The following AKR1C8 variants were observed in gnomAD, a reference collection of about 807,000 sequenced individuals.
AKR1C8 encodes aldo-keto reductase family 1 member C8, also known as aldo-keto reductase family 1 member C-like protein 1.
the AKR1C8 span, among the ~76,000 whole-genome samples, chr10:5,152,106 C>A: frequency 6.6e-6 from 1 of 152,108 alleles, no homozygotes; most frequent in East Asian, 1.9e-4. Flanking sequence ...ATAATGAATT[C>A]TAGGATAAAG....
the AKR1C8 span, chr10:5,161,652 G>T: frequency 1.9e-6 from 1 of 530,786 alleles, no homozygotes; most frequent in Non-Finnish European, 3.9e-6. Context: ...TTAAGGCTGG[G>T]GGACAAGGAT....
At chr10:5,123,250 C>A in the AKR1C8 span, 1 of 188,358 alleles carries the variant, frequency 5.3e-6, no homozygotes. Context: ...ATGCAGGAGT[C>A]CTAATGCCCA....
the AKR1C8 span, among the ~76,000 whole-genome samples, chr10:5,124,045 T>G: frequency 3.2e-4 from 48 of 152,240 alleles, no homozygotes; most frequent in Middle Eastern, 3.4e-3. Flanking sequence ...AGCAACTCCA[T>G]GGACCAGATC....
chr10:5,170,345 T>C, the AKR1C8 span, among the ~76,000 whole-genome samples: 8 of 152,162 alleles, frequency 5.3e-5, no homozygotes, highest in Non-Finnish European at 1.2e-4. Context: ...TTTTCTCTCT[T>C]CAGTTTCCCA....
At chr10:5,120,244 T>G in the AKR1C8 span, among the ~76,000 whole-genome samples, 3 of 152,186 alleles carry the variant, frequency 2.0e-5, no homozygotes, top group African/African-American at 7.2e-5. Context: ...AAACAATGCT[T>G]ATCACTGGCT....
At chr10:5,157,769 C>G in the AKR1C8 span, 2 of 471,614 alleles carry the variant, frequency 4.2e-6, no homozygotes, top group South Asian at 3.1e-5. Flanking sequence ...AAGATCGGCT[C>G]CTCCAAGAGA....
At chr10:5,150,474 T>C in the AKR1C8 span, among the ~76,000 whole-genome samples, 18 of 152,026 alleles carry the variant, frequency 1.2e-4, no homozygotes, top group African/African-American at 4.3e-4. Context: ...TAACACCCTA[T>C]ATAAATCACA....
At chr10:5,124,037 C>A in the AKR1C8 span, among the ~76,000 whole-genome samples, 1 of 152,076 alleles carries the variant, frequency 6.6e-6, no homozygotes, top group Admixed American at 6.6e-5. Context: ...TGAGCACAAG[C>A]AACTCCATGG....
chr10:5,178,738 C>T, the AKR1C8 span, among the ~76,000 whole-genome samples: 1 of 152,078 alleles, frequency 6.6e-6, no homozygotes, highest in Non-Finnish European at 1.5e-5. Flanking sequence ...TATGTAATGG[C>T]CTCATCTCTT....
At chr10:5,121,931 C>A in the AKR1C8 span, among the ~76,000 whole-genome samples, 1 of 151,954 alleles carries the variant, frequency 6.6e-6, no homozygotes, top group African/African-American at 2.4e-5. Flanking sequence ...GAAATTGAGC[C>A]GTGGAGGAAA....
the AKR1C8 span, among the ~76,000 whole-genome samples, chr10:5,175,880 C>G: frequency 2.6e-4 from 39 of 152,174 alleles, no homozygotes; most frequent in East Asian, 7.3e-3. Context: ...GATATTAGCC[C>G]TTTGTCAGAT....
chr10:5,175,752 T>G, the AKR1C8 span, among the ~76,000 whole-genome samples: 1 of 152,334 alleles, frequency 6.6e-6, no homozygotes, highest in East Asian at 1.9e-4. Flanking sequence ...TTTCATGTGT[T>G]TTTTTGGCTG....
the AKR1C8 span, among the ~76,000 whole-genome samples, chr10:5,138,917 C>T: frequency 4.6e-5 from 7 of 152,286 alleles, no homozygotes; most frequent in Non-Finnish European, 1.0e-4. Context: ...ACCCCAACAT[C>T]TCAGCCCAAA....
the AKR1C8 span, among the ~76,000 whole-genome samples, chr10:5,165,384 T>G: frequency 6.6e-6 from 1 of 152,074 alleles, no homozygotes; most frequent in Non-Finnish European, 1.5e-5. Context: ...CTACAACACC[T>G]CCTAGGGGGA....
chr10:5,156,465 G>A, the AKR1C8 span, among the ~76,000 whole-genome samples: 1 of 101,502 alleles, frequency 9.9e-6, no homozygotes, highest in Non-Finnish European at 2.3e-5. Context: ...ATATTTTTTG[G>A]TTAAAAAAAA....
chr10:5,153,478 T>TTAG, the AKR1C8 span, among the ~76,000 whole-genome samples: 1 of 152,180 alleles, frequency 6.6e-6, no homozygotes, highest in African/African-American at 2.4e-5. Context: ...GAACATTGGG[T>TTAG]TAGTCCGTTG....
the AKR1C8 span, among the ~76,000 whole-genome samples, chr10:5,168,273 C>T: frequency 6.6e-6 from 1 of 151,946 alleles, no homozygotes; most frequent in South Asian, 2.1e-4. Context: ...CAGACAAGCC[C>T]ACAGTAGACA....
the AKR1C8 span, chr10:5,158,656 G>A: frequency 2.0e-6 from 1 of 489,954 alleles, no homozygotes; most frequent in Non-Finnish European, 4.3e-6. Context: ...CAATGTCCTT[G>A]GACTTGCAGA....
the AKR1C8 span, among the ~76,000 whole-genome samples, chr10:5,128,971 C>T: frequency 5.9e-5 from 9 of 152,132 alleles, no homozygotes; most frequent in Non-Finnish European, 8.8e-5. Context: ...CCGCCAACTG[C>T]GGAACATACA....
Sources: gnomAD v4.1 joint callset for allele counts (sites outside exome capture counted in the v4.1 genomes callset) on GRCh38, gnomAD v4.1.1 for gene constraint, MANE v1.5 for transcripts, NCBI Gene and HGNC (gene_info 2026-07-23, HGNC 2026-07-21) for gene names.